NPEPPS: variants seen among roughly 807,000 people sequenced by gnomAD.
The protein encoded by NPEPPS is aminopeptidase puromycin sensitive.
In NPEPPS, 14 loss-of-function variants were observed where a neutral mutation model predicts 115.5. That is an observed-to-expected ratio of 0.12 (90% CI 0.08 to 0.19). The LOEUF is 0.19. NPEPPS is among the 10% of genes least tolerant of loss of function. The pLI is 1.00. For missense variants in NPEPPS, 523 were observed against 1,110.8 expected (o/e 0.47, Z 7.52); for synonymous variants, 285 against 390.6 (o/e 0.73, Z 3.19).
At chr17:47,562,709 A>G (rs1910514431) in intron 2 of NPEPPS, among the ~76,000 whole-genome samples, 1 of 151,934 alleles carries the variant, frequency 6.6e-6, no homozygotes, top group Non-Finnish European at 1.5e-5. Context: ...TTCTAAACTT[A>G]AAACCCATTT....
At chr17:47,613,780 C>A in intron 19 of NPEPPS, 55 bp downstream of exon 19, 1 of 1,273,534 alleles carries the variant, frequency 7.9e-7, no homozygotes, top group Non-Finnish European at 1.1e-6. Context: ...GATAGACACA[C>A]AGTAAACCTC....
chr17:47,596,113 A>T, intron 12 of NPEPPS: 1 of 326,536 alleles, frequency 3.1e-6, no homozygotes, highest in South Asian at 3.6e-5. Context: ...TGATTATGCC[A>T]CTGCACTCTA....
intron 2 of NPEPPS, among the ~76,000 whole-genome samples, chr17:47,558,706 G>A (rs1485539852): frequency 6.6e-6 from 1 of 152,188 alleles, no homozygotes; most frequent in Non-Finnish European, 1.5e-5. Context: ...GATTATAGGC[G>A]TGAGCCACCA....
At chr17:47,621,449 C>G (rs1279388244) in intron 22 of NPEPPS, among the ~76,000 whole-genome samples, 2 of 152,142 alleles carry the variant, frequency 1.3e-5, no homozygotes, top group Non-Finnish European at 2.9e-5. Context: ...TAGTACATGA[C>G]TAAGCCTGGA....
chr17:47,620,898 T>G (rs940960676), intron 22 of NPEPPS, among the ~76,000 whole-genome samples: 1 of 152,130 alleles, frequency 6.6e-6, no homozygotes, highest in African/African-American at 2.4e-5. Context: ...ATTGTTTGGT[T>G]TACTGTATTA....
At chr17:47,553,289 C>G (rs1025021836) in intron 2 of NPEPPS, among the ~76,000 whole-genome samples, 2 of 151,036 alleles carry the variant, frequency 1.3e-5, no homozygotes, top group Non-Finnish European at 2.9e-5. Flanking sequence ...GGGAGAATTG[C>G]TTGAACCTGG....
chr17:47,579,916 ATTTT>A (rs1028074374), intron 4 of NPEPPS: 2 of 120,928 alleles, frequency 1.7e-5, no homozygotes, highest in African/African-American at 7.3e-5. Flanking sequence ...GCTGTCTTTG[ATTTT>A]TTTTTTCTCC....
chr17:47,607,920 C>T (rs1913611623), intron 17 of NPEPPS, among the ~76,000 whole-genome samples: 1 of 152,158 alleles, frequency 6.6e-6, no homozygotes, highest in Non-Finnish European at 1.5e-5. Context: ...TCATAGCTCA[C>T]TGCAGCCTCG....
chr17:47,618,302 C>A, intron 19 of NPEPPS, 48 bp from the exon 20 acceptor site: 1 of 1,253,918 alleles, frequency 8.0e-7, no homozygotes. Context: ...ATATGCAGAA[C>A]ATCCAAGGGA....
At chr17:47,536,970 C>G (rs1361362984) in intron 1 of NPEPPS, among the ~76,000 whole-genome samples, 2 of 150,700 alleles carry the variant, frequency 1.3e-5, no homozygotes, top group Non-Finnish European at 3.0e-5. Flanking sequence ...GCCTTGGCCT[C>G]TCAAAATGCT....
chr17:47,592,772 T>TA (rs1168851323), intron 12 of NPEPPS: 3 of 429,696 alleles, frequency 7.0e-6, no homozygotes, highest in African/African-American at 6.1e-5. Context: ...TTTTTTTAAT[T>TA]AAAGTTCTAG....
chr17:47,537,146 A>C (rs1301610986), intron 1 of NPEPPS, among the ~76,000 whole-genome samples: 1 of 151,742 alleles, frequency 6.6e-6, no homozygotes, highest in East Asian at 1.9e-4. Flanking sequence ...GCAACATAGC[A>C]AGACCCTGTC....
chr17:47,525,259 A>G (rs970185400), intron 1 of NPEPPS, among the ~76,000 whole-genome samples: 5 of 152,178 alleles, frequency 3.3e-5, no homozygotes, highest in Non-Finnish European at 7.3e-5. Context: ...CATGGGACCA[A>G]GGATGGGGCC....
Position 47,622,622 on chromosome 17 carries a change from A to G in NPEPPS, c.*702A>G, listed in dbSNP as rs562660393. 18 of 293,232 alleles carry G rather than the reference A, an allele frequency of 6.1e-5. No individual in the cohort carries two copies. The highest frequency in any genetic ancestry group is 5.5e-4 in the South Asian group (18 of 32,944). The allele number at this position is 293,232 out of a possible 1,614,324, so 18.2% of individuals were successfully genotyped here. Reference sequence around the variant, plus strand: ...TTTCCTCCCTTTAGTTCCACCCCCAACCCCCATTCCCTGGTGTCCTTCTTA... The same window carrying G: ...TTTCCTCCCTTTAGTTCCACCCCCAGCCCCCATTCCCTGGTGTCCTTCTTA... On this transcript the variant is annotated 3_prime_UTR_variant, in exon 23 of 23. Coordinates refer to ENST00000322157, the MANE Select transcript of NPEPPS (RefSeq NM_006310.4).
At chr17:47,544,711 C>CTTTTTT (rs938067387) in intron 1 of NPEPPS, among the ~76,000 whole-genome samples, 2 of 114,236 alleles carry the variant, frequency 1.8e-5, no homozygotes, top group Non-Finnish European at 1.7e-5. Context: ...TTTTTGTATT[C>CTTTTTT]TTTTTTTTTT....
chr17:47,607,473 T>A (rs971174468), intron 17 of NPEPPS, among the ~76,000 whole-genome samples: 2 of 152,224 alleles, frequency 1.3e-5, no homozygotes, highest in Admixed American at 6.5e-5. Flanking sequence ...ACCTTTCTGA[T>A]CCTGTAGAAC....
At chr17:47,570,195 G>T (rs925289445) in intron 3 of NPEPPS, among the ~76,000 whole-genome samples, 3 of 152,190 alleles carry the variant, frequency 2.0e-5, no homozygotes, top group African/African-American at 7.2e-5. Flanking sequence ...GCCAAGGCGG[G>T]CTGATCACTT....
Position 47,569,397 on chromosome 17 carries a change from A to C in NPEPPS, c.341-20A>C, listed in dbSNP as rs1911052767. The C allele has an allele frequency of 6.7e-7, 1 of 1,501,142 alleles. No homozygotes were observed. The highest frequency in any genetic ancestry group is 1.4e-5 in the African/African-American group (1 of 72,742). The allele number at this position is 1,501,142 out of a possible 1,614,324, so 93.0% of individuals were successfully genotyped here. ...GTCAGTCCAGTCAGAATTGTAAAGT[A>C]ATTTTTTTTCTCATTCCAGAAATAC... On this transcript the variant is annotated intron_variant, in intron 2 of 22. Transcript: ENST00000322157.
At chr17:47,562,830 T>C (rs1213079399) in intron 2 of NPEPPS, among the ~76,000 whole-genome samples, 1 of 151,928 alleles carries the variant, frequency 6.6e-6, no homozygotes, top group Admixed American at 6.6e-5. Flanking sequence ...ACCATTTGTG[T>C]TTCCTTTTTC....
Sources: allele counts gnomAD v4.1 joint callset (sites outside exome capture counted in the v4.1 genomes callset), GRCh38; gene constraint gnomAD v4.1.1; transcripts MANE v1.5; gene names NCBI Gene and HGNC (gene_info 2026-07-23, HGNC 2026-07-21).